SLC5A12: variants seen among roughly 807,000 people sequenced by gnomAD.
SLC5A12 encodes solute carrier family 5 member 12, also known as sodium-coupled monocarboxylate transporter 2.
SLC5A12 carries 46 observed loss-of-function variants against 72.7 expected under a neutral mutation model. The ratio of observed to expected loss-of-function variants is 0.63; its 90% CI spans 0.50 to 0.81. The LOEUF is 0.81. SLC5A12 is among the 30% of genes least tolerant of loss of function. The pLI is 0.00. For synonymous variants in SLC5A12, 275 were observed against 264.4 expected, an observed-to-expected ratio of 1.04 and a Z score of -0.39; for missense variants, 683 against 740.7, an observed-to-expected ratio of 0.92 and a Z score of 0.90.
chr11:26,671,116 T>C lies in SLC5A12; in HGVS notation c.1843A>G (p.Thr615Ala), dbSNP rs1313059936. The C allele has an allele frequency of 6.2e-7, 1 of 1,611,398 alleles. No individual in the cohort carries two copies. The highest frequency in any genetic ancestry group is 1.3e-5 in the African/African-American group (1 of 74,702). Reference sequence around the variant, plus strand: ...CAGGTATTGCCTTAGAAATGGGTAGTCTCAAATGCCATATTGTTGTAGCTT... The same window carrying C: ...CAGGTATTGCCTTAGAAATGGGTAGCCTCAAATGCCATATTGTTGTAGCTT... ...DKSYNNMAFE[T>A]THF Residue 615 changes from threonine (T) to alanine (A), a missense_variant, in exon 15 of 15, where the codon ACT becomes GCT. Thr to Ala is a moderately conservative substitution (Grantham distance 58). Coordinates refer to ENST00000396005, the MANE Select transcript of SLC5A12 (RefSeq NM_178498.4).
chr11:26,693,365 T>C (rs1035731665), intron 8 of SLC5A12, among the ~76,000 whole-genome samples: 1 of 152,114 alleles, frequency 6.6e-6, no homozygotes, highest in Non-Finnish European at 1.5e-5. Flanking sequence ...AGAATGATAT[T>C]ATAACAGTAA....
At chr11:26,718,183 G>A (rs1855395308) in intron 1 of SLC5A12, among the ~76,000 whole-genome samples, 1 of 152,100 alleles carries the variant, frequency 6.6e-6, no homozygotes, top group African/African-American at 2.4e-5. Context: ...CAGATTAAGT[G>A]GTATAAATTT....
upstream of SLC5A12, among the ~76,000 whole-genome samples, chr11:26,722,807 T>C (rs1422433287): frequency 6.6e-6 from 1 of 151,556 alleles, no homozygotes; most frequent in Non-Finnish European, 1.5e-5. Flanking sequence ...ATTTTGTTCA[T>C]GCTTCTCCTC....
chr11:26,715,427 A>C (rs1855328529), intron 1 of SLC5A12, among the ~76,000 whole-genome samples: 1 of 152,160 alleles, frequency 6.6e-6, no homozygotes, highest in South Asian at 2.1e-4. Flanking sequence ...TTCAGTGAGG[A>C]CAACCCTGAG....
chr11:26,668,950 A>G lies in SLC5A12; in HGVS notation c.*2152T>C, dbSNP rs371429907. On this transcript the variant is annotated 3_prime_UTR_variant, in exon 15 of 15. Transcript: ENST00000396005. ...TGTCTTTAGGAGAATTTGTGAGTAA[A>G]ATTTGTGAGTAAAATGAAAAATTGT... The G allele has an allele frequency of 1.4e-4, 22 of 152,030 alleles. No individual in the cohort carries two copies. The East Asian group carries it at 2.1e-3, about 15-fold the overall frequency. 9.4% of individuals were successfully genotyped at this position (152,030 alleles called of 1,614,324 possible). A position where few individuals can be genotyped will look rare whatever the true frequency, so the allele number is the denominator to read the frequency against.
At chr11:26,695,160 A>G (rs1488975489) in intron 8 of SLC5A12, among the ~76,000 whole-genome samples, 1 of 152,104 alleles carries the variant, frequency 6.6e-6, no homozygotes, top group Non-Finnish European at 1.5e-5. Context: ...TATTAACCTA[A>G]TAGATAAATT....
At chr11:26,684,414 C>T (rs540532621) in intron 10 of SLC5A12, among the ~76,000 whole-genome samples, 1 of 152,164 alleles carries the variant, frequency 6.6e-6, no homozygotes, top group African/African-American at 2.4e-5. Flanking sequence ...AATTTGAAAG[C>T]TAATTTACTA....
At position 26,673,442 on chromosome 11, in the gene SLC5A12, A is replaced by T; in HGVS notation, c.1667T>A (p.Leu556Gln). ...GTCATGCTGAACTCCACACCAGCAT[A>T]GTGTTTTGTACTTCTTAGACCAAAA... ...FCFWSKKYKT[L>Q]CWCGVQHDSG... is the part of the protein sequence containing the mutation. Residue 556 changes from leucine (L) to glutamine (Q), a missense_variant, in exon 14 of 15, where the codon CTA becomes CAA. Leu to Gln is a moderately radical substitution (Grantham distance 113). Transcript: ENST00000396005. The T allele has an allele frequency of 6.2e-7, 1 of 1,610,834 alleles. No homozygotes were observed. Among genetic ancestry groups the T allele is most frequent in the South Asian group, 1.1e-5 (1 of 90,442 alleles).
intron 3 of SLC5A12, 121 bp from the exon 4 acceptor site, chr11:26,709,500 A>G: frequency 4.3e-6 from 3 of 699,162 alleles, no homozygotes; most frequent in Non-Finnish European, 7.0e-6. Flanking sequence ...ATAAAATCAA[A>G]TTAGAGTTTT....
chr11:26,696,778 A>G (rs1854826655), intron 8 of SLC5A12, among the ~76,000 whole-genome samples: 1 of 152,232 alleles, frequency 6.6e-6, no homozygotes, highest in African/African-American at 2.4e-5. Flanking sequence ...TTGTAGCCAA[A>G]TGAATGAGAA....
chr11:26,681,610 A>G (rs982483552), intron 11 of SLC5A12, among the ~76,000 whole-genome samples: 4 of 152,194 alleles, frequency 2.6e-5, no homozygotes, highest in East Asian at 1.9e-4. Context: ...CAGCTTTTAT[A>G]CAGAAATTAT....
chr11:26,710,038 C>T (rs1044782706), intron 3 of SLC5A12, among the ~76,000 whole-genome samples: 6 of 152,102 alleles, frequency 3.9e-5, no homozygotes, highest in Non-Finnish European at 8.8e-5. Flanking sequence ...ACCCACAGGC[C>T]TCCAGTGTGT....
intron 9 of SLC5A12, among the ~76,000 whole-genome samples, chr11:26,689,391 ACT>A (rs1428831930): frequency 6.6e-6 from 1 of 151,948 alleles, no homozygotes; most frequent in Non-Finnish European, 1.5e-5. Context: ...CAAGAGTGAA[ACT>A]CTGTCTCACA....
chr11:26,678,860 C>A (rs1422259916), intron 12 of SLC5A12, 45 bp from the exon 13 acceptor site: 8 of 1,353,508 alleles, frequency 5.9e-6, no homozygotes, highest in Non-Finnish European at 8.4e-6. Context: ...ATCCTAAAGA[C>A]CCACAGTGAT....
intron 12 of SLC5A12, 77 bp from the exon 13 acceptor site, chr11:26,678,892 A>G: frequency 1.2e-6 from 1 of 858,950 alleles, no homozygotes; most frequent in Non-Finnish European, 1.8e-6. Context: ...CTCAGGATTC[A>G]TTTTAGGGCC....
Position 26,667,179 on chromosome 11 carries a change from G to C in SLC5A12, c.*3923C>G, listed in dbSNP as rs1854014195. On this transcript the variant is annotated 3_prime_UTR_variant, in exon 15 of 15. Transcript: ENST00000396005. ...AGCAGTTAACTCTATAGTAAACCTA[G>C]CTAATTTGCAATATTGAGATTAAGT... 1 of 151,570 alleles carries C rather than the reference G, an allele frequency of 6.6e-6. No individual in the cohort carries two copies. Among genetic ancestry groups the C allele is most frequent in the South Asian group, 2.1e-4 (1 of 4,824 alleles). 9.4% of individuals were successfully genotyped at this position (151,570 alleles called of 1,614,324 possible). A position where few individuals can be genotyped will look rare whatever the true frequency, so the allele number is the denominator to read the frequency against.
At chr11:26,700,907 A>G (rs1041658722) in intron 6 of SLC5A12, among the ~76,000 whole-genome samples, 6 of 152,182 alleles carry the variant, frequency 3.9e-5, no homozygotes, top group Admixed American at 2.0e-4. Flanking sequence ...TGTGAACTTT[A>G]TGGATCTATT....
At position 26,686,448 on chromosome 11, in the gene SLC5A12, C is replaced by A. The variant is rs369565287; in HGVS notation, c.1221+29G>T. On this transcript the variant is annotated intron_variant, in intron 10 of 14. Coordinates refer to ENST00000396005, the MANE Select transcript of SLC5A12 (RefSeq NM_178498.4). ...AGAGTGGGGGGAAGTTCCAGTGAAA[C>A]CAAATGTGTCTTTTCCTTCTTTCGT... is the stretch of plus-strand genomic sequence containing the variant. 35 of 1,611,068 alleles carry A rather than the reference C, an allele frequency of 2.2e-5. No individual in the cohort carries two copies. In the African/African-American group the frequency reaches 2.7e-4, roughly 12 times the overall value.
intron 4 of SLC5A12, among the ~76,000 whole-genome samples, chr11:26,704,639 T>G (rs1248756073): frequency 1.3e-5 from 2 of 152,180 alleles, no homozygotes; most frequent in Non-Finnish European, 2.9e-5. Context: ...ACCATCTCAT[T>G]TTATTTCAGC....
Sources: allele counts gnomAD v4.1 joint callset (sites outside exome capture counted in the v4.1 genomes callset), GRCh38; gene constraint gnomAD v4.1.1; transcripts MANE v1.5; gene names NCBI Gene and HGNC (gene_info 2026-07-23, HGNC 2026-07-21).